The following LRP1B variants were observed in gnomAD, a reference collection of about 807,000 sequenced individuals.
LRP1B encodes the protein LDL receptor related protein 1B.
In LRP1B, 217 loss-of-function variants were observed where a neutral mutation model predicts 556.6. The ratio of observed to expected loss-of-function variants is 0.39; its 90% CI spans 0.35 to 0.44. The LOEUF is 0.44. LRP1B is among the 20% of genes least tolerant of loss of function. The pLI, the probability that LRP1B is intolerant of heterozygous loss-of-function variation, is 1.00. For synonymous variants in LRP1B, 2,047 were observed against 1,865.8 expected (o/e 1.10, Z -2.50); for missense variants, 5,053 against 5,620.8 (o/e 0.90, Z 3.23).
Position 140,702,242 on chromosome 2 carries a change from G to T in LRP1B, c.6201C>A (p.Ile2067=), listed in dbSNP as rs758009959. The stretch of plus-strand genomic sequence containing the variant: ...CGCGATTCCCTCCAGTCTCAAGGTC[G>T]ATTCTCTCTATCTTGTCTGTGCGAG... ...CDARTDKIER[I]DLETGGNREM... The change falls in exon 39 of 91, where the codon ATC becomes ATA. Residue 2067 remains isoleucine (I), a synonymous_variant. Coordinates refer to ENST00000389484, the MANE Select transcript of LRP1B (RefSeq NM_018557.3). The T allele has an allele frequency of 6.2e-7, 1 of 1,613,630 alleles. No homozygotes were observed.
intron 2 of LRP1B, among the ~76,000 whole-genome samples, chr2:141,571,700 T>A (rs974181098): frequency 6.6e-6 from 1 of 152,200 alleles, no homozygotes; most frequent in Non-Finnish European, 1.5e-5. Context: ...GTTAGAGGAA[T>A]TGCCACTAGA....
At chr2:140,514,529 C>A in intron 51 of LRP1B, 124 bp downstream of exon 51, 4 of 762,728 alleles carry the variant, frequency 5.2e-6, no homozygotes, top group Admixed American at 5.9e-5. Flanking sequence ...AAACAGCTAC[C>A]TAGAAAGGTA....
intron 1 of LRP1B, among the ~76,000 whole-genome samples, chr2:142,024,620 G>GTTTTTTTTTTT (rs3041443): frequency 2.3e-5 from 3 of 131,024 alleles, no homozygotes; most frequent in African/African-American, 5.7e-5. Context: ...CAGCTGAAAT[G>GTTTTTTTTTTT]TTTTTTTTTT....
At chr2:140,328,849 T>C (rs1680639985) in intron 79 of LRP1B, among the ~76,000 whole-genome samples, 1 of 152,020 alleles carries the variant, frequency 6.6e-6, no homozygotes. Context: ...ATGACAGTGA[T>C]GGTAAACTAA....
intron 2 of LRP1B, among the ~76,000 whole-genome samples, chr2:141,617,753 C>G (rs1688361201): frequency 6.6e-6 from 1 of 152,112 alleles, no homozygotes; most frequent in African/African-American, 2.4e-5. Context: ...ACCAAGTTTA[C>G]TTTTTGTCAC....
At chr2:142,026,699 G>A (rs184383644) in intron 1 of LRP1B, among the ~76,000 whole-genome samples, 1 of 152,044 alleles carries the variant, frequency 6.6e-6, no homozygotes, top group East Asian at 1.9e-4. Flanking sequence ...GGGAACTGGG[G>A]GAACTTCGCT....
At chr2:141,159,710 C>A (rs368031709) in intron 7 of LRP1B, among the ~76,000 whole-genome samples, 1 of 152,122 alleles carries the variant, frequency 6.6e-6, no homozygotes, top group East Asian at 1.9e-4. Context: ...CTAAACATAG[C>A]CTCTGAAAAT....
chr2:141,551,792 A>C (rs962958229), intron 2 of LRP1B, among the ~76,000 whole-genome samples: 2 of 152,072 alleles, frequency 1.3e-5, no homozygotes, highest in African/African-American at 4.8e-5. Flanking sequence ...TTATCTGTGG[A>C]TTGATGGATC....
chr2:142,048,732 TG>T (rs1704343635), intron 1 of LRP1B, among the ~76,000 whole-genome samples: 1 of 152,006 alleles, frequency 6.6e-6, no homozygotes, highest in South Asian at 2.1e-4. Context: ...AGGCAAATAA[TG>T]TGACACTGAC....
intron 87 of LRP1B, among the ~76,000 whole-genome samples, chr2:140,240,388 A>AG (rs142207781): frequency 0.013 from 1,970 of 150,898 alleles, 22 homozygotes; most frequent in Non-Finnish European, 0.021. Context: ...GAGCACAGGG[A>AG]GGAGGCAAAA....
intron 86 of LRP1B, among the ~76,000 whole-genome samples, chr2:140,250,593 TTGTA>T (rs1212824046): frequency 6.6e-6 from 1 of 151,628 alleles, no homozygotes; most frequent in Non-Finnish European, 1.5e-5. Flanking sequence ...TCCATAACAG[TTGTA>T]TGTATAAGTG....
At chr2:141,575,361 A>G (rs1400679844) in intron 2 of LRP1B, among the ~76,000 whole-genome samples, 1 of 152,220 alleles carries the variant, frequency 6.6e-6, no homozygotes, top group East Asian at 1.9e-4. Context: ...ACAATGGGCA[A>G]AGGAACTCCT....
intron 3 of LRP1B, among the ~76,000 whole-genome samples, chr2:141,471,791 T>C (rs1374992323): frequency 2.6e-5 from 4 of 152,210 alleles, no homozygotes; most frequent in African/African-American, 9.6e-5. Context: ...GATTAATCAA[T>C]TGAATTTTGG....
chr2:141,113,361 T>TA (rs938209625), intron 7 of LRP1B, among the ~76,000 whole-genome samples: 4 of 151,994 alleles, frequency 2.6e-5, no homozygotes, highest in Admixed American at 6.6e-5. Context: ...AAATAAGCAA[T>TA]AAAAAAAATG....
intron 3 of LRP1B, among the ~76,000 whole-genome samples, chr2:141,464,606 A>ATATTTTTT: frequency 0.058 from 5,199 of 90,280 alleles, 465 homozygotes; most frequent in Non-Finnish European, 0.074. Context: ...ATATATATAT[A>ATATTTTTT]TTTTTTTAGT....
At chr2:141,271,144 A>T (rs1200948558) in intron 3 of LRP1B, among the ~76,000 whole-genome samples, 1 of 151,954 alleles carries the variant, frequency 6.6e-6, no homozygotes, top group East Asian at 1.9e-4. Flanking sequence ...TTCATAGTAC[A>T]TTTTAACTAA....
At chr2:140,343,818 G>A (rs1467799133) in intron 77 of LRP1B, among the ~76,000 whole-genome samples, 3 of 151,494 alleles carry the variant, frequency 2.0e-5, no homozygotes, top group African/African-American at 4.8e-5. Flanking sequence ...TGGGTGAAAG[G>A]GGACAGAGAA....
At chr2:140,296,720 T>C (rs1290470348) in intron 84 of LRP1B, among the ~76,000 whole-genome samples, 1 of 152,134 alleles carries the variant, frequency 6.6e-6, no homozygotes, top group Non-Finnish European at 1.5e-5. Context: ...CTGCTGAAAG[T>C]AGATGTAAAA....
At chr2:141,397,888 G>A (rs763937970) in intron 3 of LRP1B, among the ~76,000 whole-genome samples, 4 of 150,080 alleles carry the variant, frequency 2.7e-5, no homozygotes, top group Non-Finnish European at 5.9e-5. Context: ...TTTACTATCA[G>A]CCTCTCTATA....
Sources: gnomAD v4.1 joint callset for allele counts (sites outside exome capture counted in the v4.1 genomes callset) on GRCh38, gnomAD v4.1.1 for gene constraint, MANE v1.5 for transcripts, NCBI Gene and HGNC (gene_info 2026-07-23, HGNC 2026-07-21) for gene names.